The following RGS17 variants were observed in gnomAD, a reference collection of about 807,000 sequenced individuals.
RGS17 encodes the protein regulator of G protein signaling 17, also known as regulator of G-protein signaling 17.
A neutral mutation model predicts 25.5 loss-of-function variants in RGS17; 12 were observed. The observed-to-expected ratio is 0.47, with a 90% confidence interval of 0.30 to 0.76. The LOEUF is 0.76. Ranked by LOEUF, RGS17 falls within the 30% of genes least tolerant of loss-of-function variation. The pLI, the probability that RGS17 is intolerant of heterozygous loss-of-function variation, is 0.07. For synonymous variants in RGS17, 71 were observed against 76.9 expected, an observed-to-expected ratio of 0.92 and a Z score of 0.40; for missense variants, 196 against 242.2, an observed-to-expected ratio of 0.81 and a Z score of 1.27.
intron 1 of RGS17, among the ~76,000 whole-genome samples, chr6:153,045,725 T>C (rs1014731282): frequency 6.6e-6 from 1 of 152,202 alleles, no homozygotes. Flanking sequence ...ATATTCCTGA[T>C]CAAATGCTAA....
intron 2 of RGS17, among the ~76,000 whole-genome samples, chr6:153,043,454 T>A (rs542364155): frequency 6.7e-6 from 1 of 149,902 alleles, no homozygotes; most frequent in Admixed American, 6.7e-5. Context: ...TACAGCTGAA[T>A]GCTCAACACC....
rs1339862223 is a variant in RGS17 at position 153,054,002 on chromosome 6, ATATATACG to A, written c.-25-9967_-25-9960del. On this transcript the variant is annotated intron_variant, in intron 1 of 4. Coordinates refer to ENST00000206262, the MANE Select transcript of RGS17 (RefSeq NM_012419.5). Reference sequence around the variant, plus strand: ...GTATATATGTATATAATATATATACATATATACGTATATATGTATATAATATATATACA... The same window carrying A: ...GTATATATGTATATAATATATATACATATATATGTATATAATATATATACA... Among the ~76,000 whole-genome samples, 16 of 53,002 alleles carry A rather than the reference ATATATACG, an allele frequency of 3.0e-4. 4 individuals carry two copies. The highest frequency in any genetic ancestry group is 9.6e-4 in the African/African-American group (13 of 13,498). 34.8% of individuals were successfully genotyped at this position (53,002 alleles called of 152,430 possible). A position where few individuals can be genotyped will look rare whatever the true frequency, so the allele number is the denominator to read the frequency against.
intron 2 of RGS17, among the ~76,000 whole-genome samples, chr6:153,031,055 A>T (rs1779357262): frequency 6.6e-6 from 1 of 152,220 alleles, no homozygotes; most frequent in Non-Finnish European, 1.5e-5. Flanking sequence ...GGATAAAATC[A>T]TGCAGGGGCA....
intron 1 of RGS17, among the ~76,000 whole-genome samples, chr6:153,069,451 C>T (rs892479507): frequency 2.6e-5 from 4 of 151,208 alleles, no homozygotes; most frequent in African/African-American, 9.7e-5. Context: ...TACCAGAGGC[C>T]AGGAAGGGTA....
At chr6:153,047,029 T>C (rs1481117345) in intron 1 of RGS17, among the ~76,000 whole-genome samples, 2 of 152,222 alleles carry the variant, frequency 1.3e-5, no homozygotes, top group East Asian at 1.9e-4. Context: ...CAGTGGACTT[T>C]CCATGAGCAA....
chr6:153,073,119 G>A (rs1044540592), intron 1 of RGS17, among the ~76,000 whole-genome samples: 15 of 152,284 alleles, frequency 9.9e-5, no homozygotes, highest in African/African-American at 3.4e-4. Context: ...GGATGTAGGT[G>A]TCCCCTTCAC....
intron 3 of RGS17, among the ~76,000 whole-genome samples, chr6:153,025,769 A>G (rs1223776078): frequency 1.3e-5 from 2 of 149,750 alleles, no homozygotes; most frequent in African/African-American, 4.9e-5. Context: ...AGGTAAATAC[A>G]TATATAAAGG....
At chr6:153,080,401 C>CT (rs1776957052) in intron 1 of RGS17, among the ~76,000 whole-genome samples, 2 of 152,076 alleles carry the variant, frequency 1.3e-5, no homozygotes, top group African/African-American at 2.4e-5. Flanking sequence ...CTACCCTCCT[C>CT]TTTTTTTCAT....
chr6:153,040,653 C>T (rs1256859780), intron 2 of RGS17, among the ~76,000 whole-genome samples: 4 of 151,674 alleles, frequency 2.6e-5, no homozygotes, highest in Non-Finnish European at 5.9e-5. Flanking sequence ...TGTTCTGCTC[C>T]TTTGACCTAG....
At chr6:153,073,132 C>A (rs1562326792) in intron 1 of RGS17, among the ~76,000 whole-genome samples, 1 of 152,176 alleles carries the variant, frequency 6.6e-6, no homozygotes, top group East Asian at 1.9e-4. Flanking sequence ...CCCTTCACTG[C>A]AAATGCATCT....
chr6:153,106,682 G>T (rs1371861069), intron 1 of RGS17, among the ~76,000 whole-genome samples: 1 of 151,950 alleles, frequency 6.6e-6, no homozygotes, highest in African/African-American at 2.4e-5. Flanking sequence ...CCCTCTTGTT[G>T]CCCAAGCTGG....
intron 1 of RGS17, among the ~76,000 whole-genome samples, chr6:153,053,798 GAAAAGAA>G (rs1175522609): frequency 4.7e-5 from 7 of 148,968 alleles, no homozygotes; most frequent in Admixed American, 6.8e-5. Context: ...TCTCAAAAAA[GAAAAGAA>G]AAAAGAAAAA....
intron 4 of RGS17, among the ~76,000 whole-genome samples, chr6:153,022,911 C>T (rs754811252): frequency 8.6e-5 from 13 of 152,018 alleles, no homozygotes; most frequent in Non-Finnish European, 1.3e-4. Flanking sequence ...CACTGTATTA[C>T]ATTTATTAAA....
intron 1 of RGS17, among the ~76,000 whole-genome samples, chr6:153,097,737 GA>G (rs1777238824): frequency 1.3e-5 from 2 of 152,102 alleles, no homozygotes; most frequent in Admixed American, 1.3e-4. Flanking sequence ...AGGGATCTCT[GA>G]AGTGATTAGA....
intron 1 of RGS17, among the ~76,000 whole-genome samples, chr6:153,086,438 C>T (rs1224169585): frequency 1.3e-5 from 2 of 152,250 alleles, no homozygotes; most frequent in South Asian, 2.1e-4. Flanking sequence ...AAACTGTGAA[C>T]GATCTCTAGA....
At chr6:153,055,898 A>C (rs574160377) in intron 1 of RGS17, among the ~76,000 whole-genome samples, 2 of 152,346 alleles carry the variant, frequency 1.3e-5, no homozygotes, top group Non-Finnish European at 2.9e-5. Context: ...TGCAATGATC[A>C]AAACCATCTC....
Position 153,010,973 on chromosome 6 carries a change from T to C in RGS17, c.*601A>G, listed in dbSNP as rs943703551. ...TTTTGGCAGTGAACAACCAGAGGAA[T>C]CCCCATTAGGATTTTCCAACAAACA... On this transcript the variant is annotated 3_prime_UTR_variant, in exon 5 of 5. Coordinates refer to ENST00000206262, the MANE Select transcript of RGS17 (RefSeq NM_012419.5). 4 of 151,442 alleles carry C rather than the reference T, an allele frequency of 2.6e-5. No homozygotes were observed. Among genetic ancestry groups the C allele is most frequent in the Admixed American group, 6.6e-5 (1 of 15,082 alleles). 9.4% of individuals were successfully genotyped at this position (151,442 alleles called of 1,614,324 possible).
chr6:153,065,923 A>C (rs1056344769), intron 1 of RGS17, among the ~76,000 whole-genome samples: 1 of 152,142 alleles, frequency 6.6e-6, no homozygotes, highest in African/African-American at 2.4e-5. Context: ...GAAAAGAAAT[A>C]ATAAAGATCA....
At chr6:153,122,769 G>A (rs1276244564) in intron 1 of RGS17, among the ~76,000 whole-genome samples, 1 of 151,828 alleles carries the variant, frequency 6.6e-6, no homozygotes, top group Non-Finnish European at 1.5e-5. Flanking sequence ...TGAACTATTA[G>A]ATGTATGAAA....
Sources: gnomAD v4.1 joint callset for allele counts (sites outside exome capture counted in the v4.1 genomes callset) on GRCh38, gnomAD v4.1.1 for gene constraint, MANE v1.5 for transcripts, NCBI Gene and HGNC (gene_info 2026-07-23, HGNC 2026-07-21) for gene names.